Variants in PLCL1 observed in about 807,000 individuals in gnomAD.
PLCL1 encodes inactive phospholipase C-like protein 1.
A neutral mutation model predicts 84.4 loss-of-function variants in PLCL1; 41 were observed. The ratio of observed to expected loss-of-function variants is 0.49; its 90% CI spans 0.38 to 0.63. The LOEUF (loss-of-function observed/expected upper bound fraction) is 0.63. Among genes scored for constraint, PLCL1 ranks in the 30% least tolerant of loss-of-function variants. The pLI is 0.00. For synonymous variants in PLCL1, 490 were observed against 488.3 expected, an observed-to-expected ratio of 1.00 and a Z score of -0.05; for missense variants, 1,206 against 1,367.8, an observed-to-expected ratio of 0.88 and a Z score of 1.87.
chr2:198,031,189 A>G (rs1401367514), intron 1 of PLCL1, among the ~76,000 whole-genome samples: 1 of 146,532 alleles, frequency 6.8e-6, no homozygotes, highest in African/African-American at 2.5e-5. Flanking sequence ...TGGGCAACAT[A>G]GTGAGACCTT....
chr2:197,827,967 T>C (rs887539490), intron 1 of PLCL1, among the ~76,000 whole-genome samples: 1 of 151,986 alleles, frequency 6.6e-6, no homozygotes. Flanking sequence ...AATATGTTTT[T>C]TATAAGACAT....
intron 1 of PLCL1, among the ~76,000 whole-genome samples, chr2:197,846,350 T>A (rs1382821970): frequency 6.6e-6 from 1 of 152,056 alleles, no homozygotes; most frequent in Non-Finnish European, 1.5e-5. Flanking sequence ...CAAAGGCAAA[T>A]TATGTTTAGG....
At position 197,837,049 on chromosome 2, in the gene PLCL1, T is replaced by TA. The variant is rs1054869064; in HGVS notation, c.240+31718dup. On this transcript the variant is annotated intron_variant, in intron 1 of 5. Coordinates refer to ENST00000428675, the MANE Select transcript of PLCL1 (RefSeq NM_006226.4). ...TTAAGTATCAGTTTTTGTGAGAGAT[T>TA]AAAAAAAATCTAAATCATGATTTCT... Among the ~76,000 whole-genome samples, 112 of 152,010 alleles carry TA rather than the reference T, an allele frequency of 7.4e-4. 1 individual carries two copies. The highest frequency in any genetic ancestry group is 2.6e-3 in the African/African-American group (108 of 41,440).
chr2:198,007,849 T>C (rs1256961316), intron 1 of PLCL1, among the ~76,000 whole-genome samples: 1 of 152,128 alleles, frequency 6.6e-6, no homozygotes, highest in South Asian at 2.1e-4. Flanking sequence ...AGGAAAGATA[T>C]ATGCAATTAG....
At chr2:197,926,503 C>A (rs559700980) in intron 1 of PLCL1, among the ~76,000 whole-genome samples, 25 of 152,276 alleles carry the variant, frequency 1.6e-4, no homozygotes, top group Admixed American at 4.6e-4. Context: ...CTTTCAAACT[C>A]AAATTATAAT....
At chr2:197,861,756 G>A (rs1687437144) in intron 1 of PLCL1, among the ~76,000 whole-genome samples, 1 of 152,148 alleles carries the variant, frequency 6.6e-6, no homozygotes, top group African/African-American at 2.4e-5. Flanking sequence ...CTTGCTTGGT[G>A]TATGGGGGGG....
chr2:197,866,555 G>T (rs1254726639), intron 1 of PLCL1, among the ~76,000 whole-genome samples: 1 of 151,980 alleles, frequency 6.6e-6, no homozygotes, highest in Non-Finnish European at 1.5e-5. Flanking sequence ...ATGCTGATTT[G>T]CCCATGGACA....
intron 1 of PLCL1, among the ~76,000 whole-genome samples, chr2:197,863,446 T>C (rs1174498128): frequency 6.6e-6 from 1 of 152,186 alleles, no homozygotes; most frequent in Non-Finnish European, 1.5e-5. Flanking sequence ...TGCATGTTTC[T>C]GGGTAGCTTG....
At chr2:198,074,091 A>G (rs1692524280) in intron 1 of PLCL1, among the ~76,000 whole-genome samples, 1 of 152,170 alleles carries the variant, frequency 6.6e-6, no homozygotes, top group African/African-American at 2.4e-5. Context: ...AAGAAATACC[A>G]CTAGTCGTTA....
chr2:197,949,939 G>T (rs994376931), intron 1 of PLCL1, among the ~76,000 whole-genome samples: 1 of 152,226 alleles, frequency 6.6e-6, no homozygotes, highest in Admixed American at 6.5e-5. Flanking sequence ...AATAGAGAGG[G>T]CTATTGGAAG....
chr2:198,055,357 G>A (rs548256642), intron 1 of PLCL1, among the ~76,000 whole-genome samples: 3 of 65,332 alleles, frequency 4.6e-5, no homozygotes, highest in African/African-American at 3.1e-4. Context: ...GTGTATGAGA[G>A]AGAGAGAAAG....
rs1219867167 is a variant in PLCL1 at position 197,988,614 on chromosome 2, A to G, written c.241-95144A>G. Among the ~76,000 whole-genome samples, 9 of 151,944 alleles carry G rather than the reference A, an allele frequency of 5.9e-5. No homozygotes were observed. The East Asian group carries it at 7.7e-4, about 13-fold the overall frequency. Reference sequence around the variant, plus strand: ...TATATATATCACATTTTCTTTAACCACTCATTGATTGATGGGAACTTAGCT... The same window carrying G: ...TATATATATCACATTTTCTTTAACCGCTCATTGATTGATGGGAACTTAGCT... On this transcript the variant is annotated intron_variant, in intron 1 of 5. Coordinates refer to ENST00000428675, the MANE Select transcript of PLCL1 (RefSeq NM_006226.4).
chr2:197,985,814 T>C (rs1338161654), intron 1 of PLCL1, among the ~76,000 whole-genome samples: 2 of 152,182 alleles, frequency 1.3e-5, no homozygotes, highest in Non-Finnish European at 2.9e-5. Flanking sequence ...GATTGCTTAA[T>C]TGATATTATG....
intron 5 of PLCL1, among the ~76,000 whole-genome samples, chr2:198,118,999 A>G (rs1693809662): frequency 6.6e-6 from 1 of 152,000 alleles, no homozygotes; most frequent in Non-Finnish European, 1.5e-5. Flanking sequence ...ATGTGAAACT[A>G]TTGTTATTTG....
At chr2:198,020,185 T>C (rs1372225489) in intron 1 of PLCL1, among the ~76,000 whole-genome samples, 7 of 152,182 alleles carry the variant, frequency 4.6e-5, no homozygotes, top group Non-Finnish European at 7.3e-5. Flanking sequence ...GATAATCAAA[T>C]GCTGAGGGAT....
chr2:197,999,666 CA>C (rs1690553797), intron 1 of PLCL1, among the ~76,000 whole-genome samples: 1 of 152,160 alleles, frequency 6.6e-6, no homozygotes, highest in African/African-American at 2.4e-5. Flanking sequence ...GATACCATAA[CA>C]AAGAAATACC....
intron 1 of PLCL1, among the ~76,000 whole-genome samples, chr2:198,031,659 C>CTTTTTTTTTTTTTT (rs5837577): frequency 9.6e-6 from 1 of 103,826 alleles, no homozygotes; most frequent in Non-Finnish European, 1.9e-5. Flanking sequence ...ATGGCCAGTG[C>CTTTTTTTTTTTTTT]TTTTTTTTTT....
intron 1 of PLCL1, among the ~76,000 whole-genome samples, chr2:198,045,136 C>T (rs1422501837): frequency 6.6e-5 from 10 of 152,148 alleles, no homozygotes; most frequent in Admixed American, 4.6e-4. Flanking sequence ...AAGCGTAGAA[C>T]ATTTTAGTTT....
intron 1 of PLCL1, among the ~76,000 whole-genome samples, chr2:198,021,556 G>A (rs766535697): frequency 6.6e-6 from 1 of 152,102 alleles, no homozygotes; most frequent in African/African-American, 2.4e-5. Flanking sequence ...AAATGATAAA[G>A]GGGAGATCAC....
Sources: gnomAD v4.1 joint callset for allele counts (sites outside exome capture counted in the v4.1 genomes callset) on GRCh38, gnomAD v4.1.1 for gene constraint, MANE v1.5 for transcripts, NCBI Gene and HGNC (gene_info 2026-07-23, HGNC 2026-07-21) for gene names.